Variants in KCNJ6 observed in about 807,000 individuals in gnomAD.
KCNJ6 encodes G protein-activated inward rectifier potassium channel 2.
Under a neutral mutation model 34.2 loss-of-function variants are expected in KCNJ6, and 9 were observed. That is an observed-to-expected ratio of 0.26 (90% CI 0.16 to 0.46). KCNJ6 has a LOEUF of 0.46. Among genes scored for constraint, KCNJ6 ranks in the 20% least tolerant of loss-of-function variants. The probability of loss-of-function intolerance (pLI) is 1.00; values close to 1 mark genes in which losing one functional copy is unlikely to be tolerated. For missense variants in KCNJ6, 236 were observed against 531.3 expected, an observed-to-expected ratio of 0.44 and a Z score of 5.46; for synonymous variants, 196 against 207.1, an observed-to-expected ratio of 0.95 and a Z score of 0.46.
rs537950922 is a variant in KCNJ6 at position 37,877,950 on chromosome 21, G to A, written c.-27-37241C>T. Among the ~76,000 whole-genome samples, 8 of 152,358 alleles carry A rather than the reference G, an allele frequency of 5.3e-5. No individual in the cohort carries two copies. The South Asian group carries it at 1.7e-3, about 32-fold the overall frequency. On this transcript the variant is annotated intron_variant, in intron 1 of 3. Transcript: ENST00000609713. ...AAGTTGGAGAAGAGAAAATTCAAGAGAAAGAAAAGGCATCATAAGACTTTT... is the reference window on the plus strand; with the variant it reads ...AAGTTGGAGAAGAGAAAATTCAAGAAAAAGAAAAGGCATCATAAGACTTTT...
intron 3 of KCNJ6, among the ~76,000 whole-genome samples, chr21:37,699,148 A>C (rs2054677738): frequency 6.6e-6 from 1 of 152,234 alleles, no homozygotes; most frequent in South Asian, 2.1e-4. Context: ...AAATATTTAC[A>C]ATCTGGCCTT....
intron 2 of KCNJ6, among the ~76,000 whole-genome samples, chr21:37,767,918 T>C (rs1191021328): frequency 6.6e-6 from 1 of 152,190 alleles, no homozygotes; most frequent in African/African-American, 2.4e-5. Flanking sequence ...CACCTAAGCT[T>C]GGAAAATGAT....
At chr21:37,894,107 G>T (rs2055776237) in intron 1 of KCNJ6, among the ~76,000 whole-genome samples, 1 of 152,180 alleles carries the variant, frequency 6.6e-6, no homozygotes. Context: ...CATATCAGGG[G>T]ATGGTCTAGC....
At position 37,618,836 on chromosome 21, in the gene KCNJ6, G is replaced by A. The variant is rs1407817964; in HGVS notation, c.*6323C>T. 6.6e-6 allele frequency: 1 copy of A among 152,122 alleles called. No homozygotes were observed. The highest frequency in any genetic ancestry group is 1.5e-5 in the Non-Finnish European group (1 of 68,038). 9.4% of individuals were successfully genotyped at this position (152,122 alleles called of 1,614,324 possible). ...AAGTATTTTGCCTTCCTTTTCCTAGGACTCTCTTATTGAATTAGGTGGATA... is the reference window on the plus strand; with the variant it reads ...AAGTATTTTGCCTTCCTTTTCCTAGAACTCTCTTATTGAATTAGGTGGATA... On this transcript the variant is annotated 3_prime_UTR_variant, in exon 4 of 4. Transcript: ENST00000609713.
In KCNJ6 at chr21:37,607,484, T is replaced by TATATATATATATATATATATATATATA. The variant is rs35281433; in HGVS notation, c.*17674_*17675insTATATATATATATATATATATATATAT. 1.4e-4 allele frequency: 9 copies of TATATATATATATATATATATATATATA among 62,178 alleles called. No individual in the cohort carries two copies. The highest frequency in any genetic ancestry group is 6.5e-4 in the East Asian group (1 of 1,548). 3.9% of individuals were successfully genotyped at this position (62,178 alleles called of 1,614,324 possible). On this transcript the variant is annotated 3_prime_UTR_variant, in exon 4 of 4. Coordinates refer to ENST00000609713, the MANE Select transcript of KCNJ6 (RefSeq NM_002240.5). ...TAAAGATATATATATATATATATAT[T>TATATATATATATATATATATATATATA]TTTTTTTTATTTTAAAAAAATTTGG... is the stretch of plus-strand genomic sequence containing the variant.
chr21:37,688,923 T>C (rs1004350626), intron 3 of KCNJ6, among the ~76,000 whole-genome samples: 2 of 152,196 alleles, frequency 1.3e-5, no homozygotes, highest in Non-Finnish European at 2.9e-5. Context: ...GGTTTGAATA[T>C]GTTTCATGAA....
At chr21:37,860,131 G>A (rs2055587430) in intron 1 of KCNJ6, among the ~76,000 whole-genome samples, 1 of 152,134 alleles carries the variant, frequency 6.6e-6, no homozygotes, top group African/African-American at 2.4e-5. Flanking sequence ...TCCCCAGGCA[G>A]GAGTAATCCC....
intron 1 of KCNJ6, among the ~76,000 whole-genome samples, chr21:37,849,130 A>G (rs1029837450): frequency 1.3e-5 from 2 of 152,236 alleles, no homozygotes; most frequent in Non-Finnish European, 2.9e-5. Flanking sequence ...TACAGAGCCC[A>G]TGCCCGTGGT....
intron 1 of KCNJ6, among the ~76,000 whole-genome samples, chr21:37,908,999 T>C (rs1391104693): frequency 1.3e-5 from 2 of 152,216 alleles, no homozygotes; most frequent in South Asian, 2.1e-4. Flanking sequence ...AGAATATGAA[T>C]AGGAGTGATA....
intron 1 of KCNJ6, among the ~76,000 whole-genome samples, chr21:37,887,949 G>A (rs948653082): frequency 1.3e-5 from 2 of 152,252 alleles, no homozygotes; most frequent in Admixed American, 6.5e-5. Context: ...GGCCTCTGAA[G>A]CTGTGTGGGC....
intron 1 of KCNJ6, among the ~76,000 whole-genome samples, chr21:37,859,485 CTTTATATATATATA>C (rs1279100724): frequency 8.5e-4 from 17 of 20,082 alleles, no homozygotes; most frequent in African/African-American, 3.5e-3. Flanking sequence ...GCTTATATTA[CTTTATATATATATA>C]TATATATATA....
At chr21:37,691,081 C>T (rs967494875) in intron 3 of KCNJ6, among the ~76,000 whole-genome samples, 1 of 152,144 alleles carries the variant, frequency 6.6e-6, no homozygotes, top group Admixed American at 6.5e-5. Context: ...GTACCTGGCC[C>T]AGGTTACTTT....
At chr21:37,724,820 G>A (rs902986104) in intron 2 of KCNJ6, among the ~76,000 whole-genome samples, 1 of 151,998 alleles carries the variant, frequency 6.6e-6, no homozygotes, top group South Asian at 2.1e-4. Context: ...TGGGACAACT[G>A]ATTGCCCTCC....
intron 3 of KCNJ6, among the ~76,000 whole-genome samples, chr21:37,640,808 C>A (rs551077859): frequency 2.7e-4 from 41 of 152,214 alleles, no homozygotes; most frequent in African/African-American, 8.2e-4. Context: ...AGGCAAGGAC[C>A]CTTTTGGGAA....
chr21:37,853,696 C>A (rs9978871), intron 1 of KCNJ6, among the ~76,000 whole-genome samples: 50,532 of 151,368 alleles, frequency 0.33, 10,384 homozygotes, highest in East Asian at 0.59. Context: ...GCATGGTCTA[C>A]TGTGATTCTT....
chr21:37,777,692 A>T (rs1370323842), intron 2 of KCNJ6, among the ~76,000 whole-genome samples: 1 of 152,214 alleles, frequency 6.6e-6, no homozygotes, highest in East Asian at 1.9e-4. Context: ...TTATTGGCCA[A>T]CATATCAGGC....
chr21:37,749,657 A>G (rs1195829826), intron 2 of KCNJ6, among the ~76,000 whole-genome samples: 1 of 152,200 alleles, frequency 6.6e-6, no homozygotes, highest in East Asian at 1.9e-4. Flanking sequence ...AAATTTTAGC[A>G]AGGAGCTAGG....
At chr21:37,891,266 C>CACACACAG (rs1212385863) in intron 1 of KCNJ6, among the ~76,000 whole-genome samples, 1 of 151,990 alleles carries the variant, frequency 6.6e-6, no homozygotes, top group African/African-American at 2.4e-5. Flanking sequence ...CAGGCAAAGA[C>CACACACAG]ACACACACAG....
At chr21:37,853,171 T>C (rs990734699) in intron 1 of KCNJ6, among the ~76,000 whole-genome samples, 1 of 142,098 alleles carries the variant, frequency 7.0e-6, no homozygotes, top group Non-Finnish European at 1.5e-5. Flanking sequence ...CAACTACAGA[T>C]CCAAGGAGCC....
Sources: allele counts gnomAD v4.1 joint callset (sites outside exome capture counted in the v4.1 genomes callset), GRCh38; gene constraint gnomAD v4.1.1; transcripts MANE v1.5; gene names NCBI Gene and HGNC (gene_info 2026-07-23, HGNC 2026-07-21).